SYN2: variants seen among roughly 807,000 people sequenced by gnomAD.
The protein encoded by SYN2 is synapsin-2.
A neutral mutation model predicts 50.9 loss-of-function variants in SYN2; 19 were observed. The ratio of observed to expected loss-of-function variants is 0.37; its 90% CI spans 0.26 to 0.55. SYN2 has a LOEUF of 0.55. SYN2 is among the 20% of genes least tolerant of loss of function. The pLI is 0.81. For missense variants in SYN2, 587 were observed against 576.4 expected (o/e 1.02, Z -0.19); for synonymous variants, 255 against 224.9 (o/e 1.13, Z -1.20).
In SYN2 at chr3:12,134,244, A is replaced by C. The variant is rs569808478; in HGVS notation, c.378-6407A>C. On this transcript the variant is annotated intron_variant, in intron 1 of 12. Coordinates refer to ENST00000621198, the MANE Select transcript of SYN2 (RefSeq NM_133625.6). ...CAACAACAAAAACAGTGAGGGTAAT[A>C]GATGAAAAAGATTGGTAAAATGTTG... 2.0e-5 allele frequency among the ~76,000 whole-genome samples: 3 copies of C among 152,338 alleles called. No individual in the cohort carries two copies. In the South Asian group the frequency reaches 6.2e-4, roughly 32 times the overall value.
intron 1 of SYN2, among the ~76,000 whole-genome samples, chr3:12,017,468 A>G (rs780584383): frequency 6.6e-5 from 10 of 152,176 alleles, no homozygotes; most frequent in Non-Finnish European, 1.2e-4. Context: ...TCTGTGATTA[A>G]TGGATAACAA....
intron 1 of SYN2, chr3:12,070,697 A>G (rs1402879655): frequency 4.6e-6 from 5 of 1,081,426 alleles, no homozygotes; most frequent in Non-Finnish European, 6.7e-6. Flanking sequence ...TTGTTAATGG[A>G]CCCTGGAGAT....
At chr3:12,010,430 A>G (rs939671769) in intron 1 of SYN2, among the ~76,000 whole-genome samples, 1 of 152,250 alleles carries the variant, frequency 6.6e-6, no homozygotes, top group Admixed American at 6.5e-5. Context: ...GTCCAGTCCA[A>G]TGGGAGAGGA....
Position 12,158,687 on chromosome 3 carries a change from G to C in SYN2, c.775-2859G>C, listed in dbSNP as rs372475734. 1.9e-6 allele frequency: 3 copies of C among 1,609,036 alleles called. No homozygotes were observed. The African/African-American group carries it at 4.0e-5, about 22-fold the overall frequency. ...AACCACCCCCTGCTGTGGACCTCGC[G>C]GACCTCGGACTCACCAAGTGCCGAG... On this transcript the variant is annotated intron_variant, in intron 5 of 12. Transcript: ENST00000621198.
chr3:12,066,940 A>C (rs904500345), intron 1 of SYN2, among the ~76,000 whole-genome samples: 5 of 152,172 alleles, frequency 3.3e-5, no homozygotes, highest in African/African-American at 1.2e-4. Flanking sequence ...AGTGAAAGCA[A>C]ACATGTCCTT....
At chr3:12,129,904 C>T (rs1434909723) in intron 1 of SYN2, among the ~76,000 whole-genome samples, 1 of 151,974 alleles carries the variant, frequency 6.6e-6, no homozygotes, top group Non-Finnish European at 1.5e-5. Context: ...GTCATGAGAG[C>T]GGGGCCCTCA....
chr3:12,013,139 T>A (rs1195168847), intron 1 of SYN2, among the ~76,000 whole-genome samples: 1 of 152,222 alleles, frequency 6.6e-6, no homozygotes, highest in African/African-American at 2.4e-5. Flanking sequence ...TTAAAATTTT[T>A]AAATAGTTTT....
At chr3:12,095,319 T>C (rs113926910) in intron 1 of SYN2, among the ~76,000 whole-genome samples, 6 of 147,542 alleles carry the variant, frequency 4.1e-5, no homozygotes, top group East Asian at 2.1e-4. Flanking sequence ...CCGAGGCAGG[T>C]GGATCACAAG....
chr3:12,062,713 C>A (rs1241619374), intron 1 of SYN2, among the ~76,000 whole-genome samples: 1 of 151,994 alleles, frequency 6.6e-6, no homozygotes, highest in African/African-American at 2.4e-5. Flanking sequence ...ACCATACGAT[C>A]CAGCATTCAT....
chr3:12,164,349 G>A (rs912323458), intron 7 of SYN2, among the ~76,000 whole-genome samples: 12 of 152,184 alleles, frequency 7.9e-5, no homozygotes, highest in African/African-American at 2.7e-4. Context: ...CATTGATGAA[G>A]GCTGGGTGAC....
intron 1 of SYN2, among the ~76,000 whole-genome samples, chr3:12,050,358 T>G (rs1000243335): frequency 4.7e-5 from 7 of 150,186 alleles, no homozygotes; most frequent in African/African-American, 1.7e-4. Context: ...TTTTTTTTTT[T>G]TTTTGGAGAT....
intron 1 of SYN2, among the ~76,000 whole-genome samples, chr3:12,039,549 A>ATTTTTTTTTTTT (rs60746238): frequency 3.4e-5 from 4 of 118,010 alleles, no homozygotes; most frequent in Non-Finnish European, 3.4e-5. Flanking sequence ...AGAAGCAAAG[A>ATTTTTTTTTTTT]TTTTTTTTTT....
Position 12,140,654 on chromosome 3 carries a change from C to G in SYN2, c.381C>G (p.Ala127=), listed in dbSNP as rs749771266. Residue 127 remains alanine, a synonymous_variant, in exon 2 of 13, where the codon GCC becomes GCG. Coordinates refer to ENST00000621198, the MANE Select transcript of SYN2 (RefSeq NM_133625.6). ...LVVDEPHADW[A]KCFRGKKVLG... ...GTGGGTTTATTCTTTTCTCCAGGGC[C>G]AAGTGCTTTCGGGGCAAAAAAGTCC... 2.2e-5 allele frequency: 17 copies of G among 761,168 alleles called. No homozygotes were observed. In the Middle Eastern group the frequency reaches 6.8e-4, roughly 30 times the overall value. The allele number at this position is 761,168 out of a possible 1,614,324, so 47.2% of individuals were successfully genotyped here.
chr3:12,115,234 C>T (rs1696406984), intron 1 of SYN2, among the ~76,000 whole-genome samples: 1 of 152,130 alleles, frequency 6.6e-6, no homozygotes, highest in Admixed American at 6.6e-5. Flanking sequence ...TCCAGAACAC[C>T]TTATTCCGGT....
intron 1 of SYN2, among the ~76,000 whole-genome samples, chr3:12,089,384 C>T (rs980475417): frequency 2.0e-5 from 3 of 152,184 alleles, no homozygotes; most frequent in African/African-American, 7.2e-5. Context: ...AAGGCCTGCC[C>T]CTCATGATTC....
intron 1 of SYN2, among the ~76,000 whole-genome samples, chr3:12,037,662 A>G (rs771800516): frequency 1.4e-4 from 21 of 152,150 alleles, no homozygotes; most frequent in Non-Finnish European, 2.6e-4. Context: ...TCCTGAAATA[A>G]CTAACCTGCT....
At chr3:12,174,037 G>GC (rs1365080580) in intron 10 of SYN2, among the ~76,000 whole-genome samples, 2 of 151,764 alleles carry the variant, frequency 1.3e-5, no homozygotes, top group South Asian at 2.1e-4. Context: ...GGCCCCTGAG[G>GC]CCCCCCCGCC....
intron 5 of SYN2, chr3:12,156,908 C>T (rs1051736484): frequency 1.2e-6 from 2 of 1,613,956 alleles, no homozygotes; most frequent in African/African-American, 1.3e-5. Flanking sequence ...ACTGAACATC[C>T]TTGACTTTCT....
Position 12,185,622 on chromosome 3 carries a change from G to A in SYN2, c.1370-1747G>A, listed in dbSNP as rs913569174. 8 of 985,650 alleles carry A rather than the reference G, an allele frequency of 8.1e-6. No homozygotes were observed. The African/African-American group carries it at 1.4e-4, about 17-fold the overall frequency. 61.1% of individuals were successfully genotyped at this position (985,650 alleles called of 1,614,324 possible). A position where few individuals can be genotyped will look rare whatever the true frequency, so the allele number is the denominator to read the frequency against. ...TGACGTTGTCCCCTTTTTTTGTACT[G>A]ATCCAACTGGGAGAACCTCAGCCAA... is the stretch of plus-strand genomic sequence containing the variant. On this transcript the variant is annotated intron_variant, in intron 11 of 12. Transcript: ENST00000621198.
Sources: allele counts gnomAD v4.1 joint callset (sites outside exome capture counted in the v4.1 genomes callset), GRCh38; gene constraint gnomAD v4.1.1; transcripts MANE v1.5; gene names NCBI Gene and HGNC (gene_info 2026-07-23, HGNC 2026-07-21).